ZNF318: variants seen among roughly 807,000 people sequenced by gnomAD.
ZNF318 encodes endocrine regulator.
A neutral mutation model predicts 124.2 loss-of-function variants in ZNF318; 51 were observed. The ratio of observed to expected loss-of-function variants is 0.41; its 90% CI spans 0.33 to 0.52. The LOEUF (loss-of-function observed/expected upper bound fraction) is 0.52, where lower values mean the gene tolerates loss of function less well. Among genes scored for constraint, ZNF318 ranks in the 20% least tolerant of loss-of-function variants. The pLI is 0.23. For missense variants in ZNF318, 2,815 were observed against 2,811.2 expected, an observed-to-expected ratio of 1.00 and a Z score of -0.03; for synonymous variants, 1,090 against 1,040.7, an observed-to-expected ratio of 1.05 and a Z score of -0.91.
Position 43,369,268 on chromosome 6 carries a change from G to A in ZNF318, c.98C>T (p.Ser33Leu). ...CGGTGAGCTGCGGCGAGCCGGGCCT[G>A]AGGAGGAGCCAGAGCTGCGGCCGCT... Reference protein sequence around the residue: ...PRSGRSSGSSSGPARRSSPPP... With the variant: ...PRSGRSSGSSLGPARRSSPPP... The change falls in exon 1 of 10, where the codon TCA becomes TTA. Residue 33 changes from serine (S) to leucine (L), a missense_variant. This residue lies in a region of ZNF318 where 1,377 missense variants were observed against 1,353.5 expected (regional missense o/e 1.02). Transcript: ENST00000361428. 1 of 1,306,128 alleles carries A rather than the reference G, an allele frequency of 7.7e-7. No individual in the cohort carries two copies. The highest frequency in any genetic ancestry group is 9.8e-7 in the Non-Finnish European group (1 of 1,024,824). 80.9% of individuals were successfully genotyped at this position (1,306,128 alleles called of 1,614,324 possible). A position where few individuals can be genotyped will look rare whatever the true frequency, so the allele number is the denominator to read the frequency against.
intron 1 of ZNF318, 151 bp downstream of exon 1, chr6:43,368,816 A>G (rs763120787): frequency 1.7e-5 from 21 of 1,233,554 alleles, no homozygotes; most frequent in Non-Finnish European, 2.1e-5. Context: ...CGGGTCTGAC[A>G]GAAGCCTCCA....
intron 6 of ZNF318, among the ~76,000 whole-genome samples, chr6:43,343,614 A>G (rs1263909513): frequency 6.6e-6 from 1 of 152,132 alleles, no homozygotes; most frequent in Non-Finnish European, 1.5e-5. Flanking sequence ...AGATCACTTG[A>G]GGCCAGGAGT....
At position 43,339,419 on chromosome 6, in the gene ZNF318, G is replaced by C. The variant is rs765911486; in HGVS notation, c.4579C>G (p.Arg1527Gly). The C allele has an allele frequency of 1.9e-6, 3 of 1,613,984 alleles. No homozygotes were observed. The South Asian group carries it at 3.3e-5, about 18-fold the overall frequency. ...AACACAGAGAACAGGGTCTGGTCTC[G>C]GTCACTCTCACTCACCCCAGGAGCT... ...ETAPGVSESD[R>G]DQTLFSVLVR... Residue 1527 changes from arginine (R) to glycine (G), a missense_variant, in exon 10 of 10, where the codon CGA (arginine) becomes GGA (glycine). Arg to Gly is a moderately radical substitution (Grantham distance 125, BLOSUM62 -2). Transcript: ENST00000361428. The surrounding 1 kb of genome is among the most constrained non-coding windows in gnomAD (Gnocchi z 4.2).
Position 43,369,262 on chromosome 6 carries a change from G to C in ZNF318, c.104C>G (p.Pro35Arg). Reference protein sequence around the residue: ...SGRSSGSSSGPARRSSPPPPP... With the variant: ...SGRSSGSSSGRARRSSPPPPP... Reference sequence around the variant, plus strand: ...AGGCGGCGGTGAGCTGCGGCGAGCCGGGCCTGAGGAGGAGCCAGAGCTGCG... The same window carrying C: ...AGGCGGCGGTGAGCTGCGGCGAGCCCGGCCTGAGGAGGAGCCAGAGCTGCG... Residue 35 changes from proline (P) to arginine (R), a missense_variant, in exon 1 of 10, where the codon CCG becomes CGG. Around this residue, in one of 4 missense-constraint regions of ZNF318, gnomAD observed 1,377 missense variants for 1,353.5 expected, o/e 1.02. Transcript: ENST00000361428. 1 of 1,280,864 alleles carries C rather than the reference G, an allele frequency of 7.8e-7. No homozygotes were observed. The highest frequency in any genetic ancestry group is 9.9e-7 in the Non-Finnish European group (1 of 1,011,898). 79.3% of individuals were successfully genotyped at this position (1,280,864 alleles called of 1,614,324 possible).
At chr6:43,349,317 T>G (rs761420274) in intron 5 of ZNF318, among the ~76,000 whole-genome samples, 7 of 152,146 alleles carry the variant, frequency 4.6e-5, no homozygotes, top group Non-Finnish European at 1.0e-4. Context: ...GTAATATATT[T>G]GACTTTATCT....
At chr6:43,364,883 G>A (rs1779738472) in intron 2 of ZNF318, among the ~76,000 whole-genome samples, 1 of 147,694 alleles carries the variant, frequency 6.8e-6, no homozygotes, top group South Asian at 2.2e-4. Context: ...GTTTCAGCCT[G>A]GATAAACTAA....
rs1434285166 is a variant in ZNF318, at chr6:43,369,302, C to T, written c.64G>A (p.Gly22Ser). Residue 22 changes from glycine (G) to serine (S), a missense_variant, in exon 1 of 10, where the codon GGC (glycine) becomes AGC (serine). Physicochemically the swap from Gly to Ser is moderately conservative, Grantham distance 56 (BLOSUM62 0). This residue lies in a region of ZNF318 where 1,377 missense variants were observed against 1,353.5 expected (regional missense o/e 1.02). Transcript: ENST00000361428. ...SHRPKDDGGGGPRSGRSSGSS... is the reference protein window; with the variant it reads ...SHRPKDDGGGSPRSGRSSGSS... ...CCAGAGCTGCGGCCGCTGCGCGGGC[C>T]GCCCCCGCCGTCGTCTTTAGGCCGG... 2 of 1,342,674 alleles carry T rather than the reference C, an allele frequency of 1.5e-6. No individual in the cohort carries two copies. The highest frequency in any genetic ancestry group is 1.9e-6 in the Non-Finnish European group (2 of 1,040,114). 83.2% of individuals were successfully genotyped at this position (1,342,674 alleles called of 1,614,324 possible).
chr6:43,336,333 A>G lies in ZNF318; in HGVS notation c.*825T>C, dbSNP rs1451784018. 1.3e-5 allele frequency: 2 copies of G among 152,642 alleles called. No homozygotes were observed. The highest frequency in any genetic ancestry group is 2.9e-5 in the Non-Finnish European group (2 of 68,034). 9.5% of individuals were successfully genotyped at this position (152,642 alleles called of 1,614,324 possible). ...AAATGGCTGCTAAACAATTTAATAC[A>G]AAGTGTTATTGGATCACAATACAAT... On this transcript the variant is annotated 3_prime_UTR_variant, in exon 10 of 10. Coordinates refer to ENST00000361428, the MANE Select transcript of ZNF318 (RefSeq NM_014345.3).
rs1393630964 is a variant in ZNF318, at chr6:43,336,173, C to T, written c.*985G>A. On this transcript the variant is annotated 3_prime_UTR_variant, in exon 10 of 10. Transcript: ENST00000361428. ...TTAATCTTTTTAACAAAATATACAA[C>T]CCCAAACATCGTACTATGGTTGAAA... 1 of 152,538 alleles carries T rather than the reference C, an allele frequency of 6.6e-6. No homozygotes were observed. Among genetic ancestry groups the T allele is most frequent in the African/African-American group, 2.4e-5 (1 of 41,412 alleles). The allele number at this position is 152,538 out of a possible 1,614,324, so 9.4% of individuals were successfully genotyped here.
Position 43,356,148 on chromosome 6 carries a change from G to A in ZNF318, c.1189-3C>T. ...GTACTGCTGGAAAAACTCTCAAGCT[G>A]CAAAGACAAACACAACTGATTTAGT... On this transcript the variant is annotated splice_region_variant and splice_polypyrimidine_tract_variant and intron_variant, in intron 3 of 9. Coordinates refer to ENST00000361428, the MANE Select transcript of ZNF318 (RefSeq NM_014345.3). 1 of 1,607,652 alleles carries A rather than the reference G, an allele frequency of 6.2e-7. No individual in the cohort carries two copies. Among genetic ancestry groups the A allele is most frequent in the Non-Finnish European group, 8.5e-7 (1 of 1,177,726 alleles).
rs753951881 is a variant in ZNF318, at chr6:43,357,146, T to C, written c.1168A>G (p.Ile390Val). 1 of 1,613,216 alleles carries C rather than the reference T, an allele frequency of 6.2e-7. No homozygotes were observed. The highest frequency in any genetic ancestry group is 1.3e-5 in the African/African-American group (1 of 75,042). ...GAGACCTGCATGGAGGGCTCCATTATGTCCACCTCAATCCGCTTCTTCAAA... is the reference window on the plus strand; with the variant it reads ...GAGACCTGCATGGAGGGCTCCATTACGTCCACCTCAATCCGCTTCTTCAAA... Reference protein sequence around the residue: ...SILKKRIEVDIMEPSMQLESF... With the variant: ...SILKKRIEVDVMEPSMQLESF... Residue 390 changes from isoleucine to valine, a missense_variant, in exon 3 of 10, where the codon ATA (isoleucine) becomes GTA (valine). Ile to Val is a conservative substitution (Grantham distance 29). This residue lies in a region of ZNF318 where 1,377 missense variants were observed against 1,353.5 expected (regional missense o/e 1.02). Transcript: ENST00000361428.
rs777642143 is a variant in ZNF318 at position 43,338,601 on chromosome 6, G to A, written c.5397C>T (p.Thr1799=). The change falls in exon 10 of 10, where the codon ACC becomes ACT. Residue 1799 remains threonine, a synonymous_variant. Transcript: ENST00000361428. Reference sequence around the variant, plus strand: ...CATCTATGCTGTGGGGTCCAATGCTGGTACTTACTCCCTCATCAACTATCC... The same window carrying A: ...CATCTATGCTGTGGGGTCCAATGCTAGTACTTACTCCCTCATCAACTATCC... ...SEGIVDEGVS[T]SIGPHSIDDS... 6.2e-7 allele frequency: 1 copy of A among 1,613,964 alleles called. No homozygotes were observed. The highest frequency in any genetic ancestry group is 1.3e-5 in the African/African-American group (1 of 74,902).
intron 2 of ZNF318, among the ~76,000 whole-genome samples, chr6:43,359,682 A>G (rs1005213898): frequency 6.6e-6 from 1 of 152,144 alleles, no homozygotes; most frequent in Non-Finnish European, 1.5e-5. Context: ...AGAATCTCAA[A>G]ACATTGCCTT....
chr6:43,346,286 G>C (rs938047146), intron 6 of ZNF318, among the ~76,000 whole-genome samples: 1 of 150,760 alleles, frequency 6.6e-6, no homozygotes, highest in African/African-American at 2.4e-5. Context: ...TTTGAGACCA[G>C]CCTGGCCAAT....
At position 43,339,801 on chromosome 6, in the gene ZNF318, G is replaced by T. The variant is rs755653558; in HGVS notation, c.4197C>A (p.Leu1399=). The T allele has an allele frequency of 1.2e-6, 2 of 1,614,162 alleles. No homozygotes were observed. The highest frequency in any genetic ancestry group is 1.7e-6 in the Non-Finnish European group (2 of 1,180,028). The change falls in exon 10 of 10, where the codon CTC becomes CTA. Residue 1399 remains leucine, a synonymous_variant. Coordinates refer to ENST00000361428, the MANE Select transcript of ZNF318 (RefSeq NM_014345.3). The surrounding 1 kb of genome is among the most constrained non-coding windows in gnomAD (Gnocchi z 4.2). The stretch of plus-strand genomic sequence containing the variant: ...TGGAGATGATGTCTGGAGGTAAGAG[G>T]AGATCAGCTGAAGACTCTTTAACCA... ...LPVVKESSAD[L]LLPPDIISKA... is the part of the protein sequence containing the mutation.
chr6:43,365,558 A>C, intron 1 of ZNF318, 118 bp from the exon 2 acceptor site: 1 of 981,830 alleles, frequency 1.0e-6, no homozygotes, highest in Non-Finnish European at 1.5e-6. Flanking sequence ...TGTATACCCA[A>C]CACTTTGGGA....
chr6:43,344,431 C>T (rs1444607327), intron 6 of ZNF318, among the ~76,000 whole-genome samples: 2 of 151,934 alleles, frequency 1.3e-5, no homozygotes, highest in Non-Finnish European at 2.9e-5. Flanking sequence ...ACCAAAACAA[C>T]AAAAAATAAG....
At position 43,348,433 on chromosome 6, in the gene ZNF318, G is replaced by A. The variant is rs1160779990; in HGVS notation, c.2963C>T (p.Ser988Phe). The A allele has an allele frequency of 1.2e-6, 2 of 1,613,950 alleles. No homozygotes were observed. The highest frequency in any genetic ancestry group is 1.7e-5 in the Admixed American group (1 of 59,980). ...TCTACTGTCACTTAAAGACTTCTGG[G>A]ATTTATCGAAGATGTTAATTCCCAA... ...QILGINIFDKSQKSLSDSREP... is the reference protein window; with the variant it reads ...QILGINIFDKFQKSLSDSREP... Residue 988 changes from serine to phenylalanine, a missense_variant, in exon 6 of 10, where the codon TCC (serine) becomes TTC (phenylalanine). Ser to Phe is a radical substitution (Grantham distance 155). Around this residue, in one of 4 missense-constraint regions of ZNF318, gnomAD observed 1,377 missense variants for 1,353.5 expected, o/e 1.02. Transcript: ENST00000361428.
chr6:43,355,022 G>A lies in ZNF318; in HGVS notation c.2312C>T (p.Ala771Val). 1.2e-6 allele frequency: 2 copies of A among 1,613,282 alleles called. No homozygotes were observed. Among genetic ancestry groups the A allele is most frequent in the Non-Finnish European group, 1.7e-6 (2 of 1,179,440 alleles). The change falls in exon 4 of 10, where the codon GCA becomes GTA. Residue 771 changes from alanine (A) to valine (V), a missense_variant. Around this residue, in one of 4 missense-constraint regions of ZNF318, gnomAD observed 1,377 missense variants for 1,353.5 expected, o/e 1.02. Transcript: ENST00000361428. ...FHMPRASQFA[A>V]ARIPPNYQGP... The stretch of plus-strand genomic sequence containing the variant: ...CTGGTAGTTCGGAGGTATCCGAGCT[G>A]CAGCAAACTGAGAGGCCCTTGGCAT...
Sources: gnomAD v4.1 joint callset for allele counts (sites outside exome capture counted in the v4.1 genomes callset) on GRCh38, gnomAD v4.1.1 for gene constraint, gnomAD v4.1.1 regional missense constraint, Gnocchi (gnomAD v3.1) non-coding constraint, MANE v1.5 for transcripts, NCBI Gene and HGNC (gene_info 2026-07-23, HGNC 2026-07-21) for gene names.